Variants in KCNIP4 observed in about 807,000 individuals in gnomAD.
KCNIP4 encodes potassium voltage-gated channel interacting protein 4, also known as Kv channel-interacting protein 4.
A neutral mutation model predicts 34.0 loss-of-function variants in KCNIP4; 12 were observed. The observed-to-expected ratio is 0.35, with a 90% CI of 0.23 to 0.57. The LOEUF is 0.57. Ranked by LOEUF, KCNIP4 falls within the 20% of genes least tolerant of loss-of-function variation. The pLI is 0.83. For synonymous variants in KCNIP4, 124 were observed against 102.2 expected, an observed-to-expected ratio of 1.21 and a Z score of -1.29; for missense variants, 238 against 311.7, an observed-to-expected ratio of 0.76 and a Z score of 1.78.
At chr4:21,481,756 C>A (rs62301286) in intron 1 of KCNIP4, among the ~76,000 whole-genome samples, 29,489 of 152,124 alleles carry the variant, frequency 0.19, 3,401 homozygotes, top group Non-Finnish European at 0.27. Context: ...AATAACAAAG[C>A]CTTACCTCAC....
chr4:21,033,431 C>A (rs1038960673), intron 1 of KCNIP4, among the ~76,000 whole-genome samples: 1 of 152,174 alleles, frequency 6.6e-6, no homozygotes, highest in African/African-American at 2.4e-5. Flanking sequence ...TTTTTGAGAA[C>A]TCAGCCCTTT....
intron 1 of KCNIP4, among the ~76,000 whole-genome samples, chr4:21,504,475 A>AAAAAG (rs1264431211): frequency 0.12 from 12,117 of 101,698 alleles, 1,201 homozygotes; most frequent in Non-Finnish European, 0.18. Flanking sequence ...CAAAAAAAAA[A>AAAAAG]AAAGAAAGAA....
intron 1 of KCNIP4, among the ~76,000 whole-genome samples, chr4:21,876,803 A>C (rs1262277323): frequency 2.0e-5 from 3 of 152,148 alleles, no homozygotes; most frequent in Non-Finnish European, 2.9e-5. Context: ...AGGACTATAC[A>C]TTTATTTTAT....
chr4:21,669,845 T>C (rs1410206232), intron 1 of KCNIP4, among the ~76,000 whole-genome samples: 1 of 152,202 alleles, frequency 6.6e-6, no homozygotes. Context: ...GTGAAATATA[T>C]GTCCCCTCCT....
At chr4:20,778,363 T>C (rs1401341703) in intron 3 of KCNIP4, among the ~76,000 whole-genome samples, 1 of 152,188 alleles carries the variant, frequency 6.6e-6, no homozygotes, top group Non-Finnish European at 1.5e-5. Flanking sequence ...TCTTAACTCA[T>C]AGTTAGAATT....
At chr4:21,246,377 T>G (rs1315745828) in intron 1 of KCNIP4, among the ~76,000 whole-genome samples, 1 of 152,192 alleles carries the variant, frequency 6.6e-6, no homozygotes, top group Non-Finnish European at 1.5e-5. Flanking sequence ...CCACAAAACC[T>G]TCAAACACTT....
At chr4:21,341,755 T>A (rs1172678827) in intron 1 of KCNIP4, among the ~76,000 whole-genome samples, 1 of 152,116 alleles carries the variant, frequency 6.6e-6, no homozygotes, top group Non-Finnish European at 1.5e-5. Flanking sequence ...TTTGGCAAAG[T>A]TTTGGTGGGC....
At chr4:21,039,749 T>C (rs1741785856) in intron 1 of KCNIP4, among the ~76,000 whole-genome samples, 1 of 152,202 alleles carries the variant, frequency 6.6e-6, no homozygotes, top group Admixed American at 6.5e-5. Flanking sequence ...TTATTCTTCT[T>C]TATATTTCTA....
chr4:21,104,469 A>C (rs971874581), intron 1 of KCNIP4, among the ~76,000 whole-genome samples: 1 of 151,984 alleles, frequency 6.6e-6, no homozygotes, highest in Admixed American at 6.6e-5. Context: ...AATTTGTTTA[A>C]GTTCTTTGTA....
rs377648796 is a variant in KCNIP4 at position 21,523,043 on chromosome 4, A to G, written c.61+425528T>C. 2.4e-3 allele frequency among the ~76,000 whole-genome samples: 357 copies of G among 151,254 alleles called. 1 individual carries two copies. Among genetic ancestry groups the G allele is most frequent in the African/African-American group, 8.1e-3 (331 of 40,934 alleles). On this transcript the variant is annotated intron_variant, in intron 1 of 8. Transcript: ENST00000382152. Reference sequence around the variant, plus strand: ...GGATAAGTGCCCTTATTAAAAAAAAAGGGGGGGACACTATTCACCAACTGC... The same window carrying G: ...GGATAAGTGCCCTTATTAAAAAAAAGGGGGGGGACACTATTCACCAACTGC...
At chr4:20,963,892 A>G (rs1465703117) in intron 1 of KCNIP4, among the ~76,000 whole-genome samples, 2 of 152,012 alleles carry the variant, frequency 1.3e-5, no homozygotes, top group African/African-American at 4.8e-5. Flanking sequence ...TATTTCATCA[A>G]GGTAAAATAT....
chr4:21,390,655 G>A (rs1484900520), intron 1 of KCNIP4, among the ~76,000 whole-genome samples: 7 of 152,232 alleles, frequency 4.6e-5, no homozygotes, highest in Non-Finnish European at 1.0e-4. Flanking sequence ...CTGTTCCATT[G>A]GTCTATATAT....
At chr4:21,682,083 G>A (rs926724353) in intron 1 of KCNIP4, among the ~76,000 whole-genome samples, 9 of 151,826 alleles carry the variant, frequency 5.9e-5, no homozygotes, top group Non-Finnish European at 7.4e-5. Context: ...GTAGAGACAG[G>A]GTTTCACCAT....
chr4:21,037,783 T>A (rs1741582461), intron 1 of KCNIP4, among the ~76,000 whole-genome samples: 1 of 151,928 alleles, frequency 6.6e-6, no homozygotes, highest in Admixed American at 6.6e-5. Flanking sequence ...CAGAAAAAGG[T>A]CTCGCAAACC....
intron 1 of KCNIP4, among the ~76,000 whole-genome samples, chr4:21,038,006 C>T (rs539022550): frequency 2.5e-4 from 38 of 152,192 alleles, no homozygotes; most frequent in South Asian, 1.0e-3. Context: ...TCCTTTGAGA[C>T]GGAGTCTCGC....
At chr4:21,399,343 C>T (rs1362074727) in intron 1 of KCNIP4, among the ~76,000 whole-genome samples, 2 of 152,326 alleles carry the variant, frequency 1.3e-5, no homozygotes, top group East Asian at 1.9e-4. Flanking sequence ...TGAGACTGAC[C>T]CTCACAGGAT....
chr4:21,491,039 C>T (rs984772529), intron 1 of KCNIP4, among the ~76,000 whole-genome samples: 1 of 151,698 alleles, frequency 6.6e-6, no homozygotes, highest in Non-Finnish European at 1.5e-5. Context: ...TAAAATGTGG[C>T]TTATACTATT....
intron 1 of KCNIP4, among the ~76,000 whole-genome samples, chr4:21,504,475 A>AAAAAAAAAAAGAAAGAAAGAAAG (rs1264431211): frequency 9.8e-6 from 1 of 101,880 alleles, no homozygotes; most frequent in African/African-American, 3.9e-5. Flanking sequence ...CAAAAAAAAA[A>AAAAAAAAAAAGAAAGAAAGAAAG]AAAGAAAGAA....
At chr4:20,973,918 A>T (rs916037907) in intron 1 of KCNIP4, among the ~76,000 whole-genome samples, 1 of 152,166 alleles carries the variant, frequency 6.6e-6, no homozygotes, top group Admixed American at 6.5e-5. Context: ...TTCCTGAGGT[A>T]TATGGTATAA....
Sources: gnomAD v4.1 joint callset for allele counts (sites outside exome capture counted in the v4.1 genomes callset) on GRCh38, gnomAD v4.1.1 for gene constraint, MANE v1.5 for transcripts, NCBI Gene and HGNC (gene_info 2026-07-23, HGNC 2026-07-21) for gene names.